The following FAM171A2 variants were observed in gnomAD, a reference collection of about 807,000 sequenced individuals.
The protein encoded by FAM171A2 is family with sequence similarity 171 member A2.
Under a neutral mutation model 34.2 loss-of-function variants are expected in FAM171A2, and 13 were observed. The observed-to-expected ratio is 0.38, with a 90% CI of 0.25 to 0.60. The LOEUF is 0.60. Among genes scored for constraint, FAM171A2 ranks in the 20% least tolerant of loss-of-function variants. The probability of loss-of-function intolerance (pLI) is 0.62; values close to 1 mark genes in which losing one functional copy is unlikely to be tolerated. For missense variants in FAM171A2, 950 were observed against 1,180.7 expected, an observed-to-expected ratio of 0.80 and a Z score of 2.86; for synonymous variants, 475 against 561.2, an observed-to-expected ratio of 0.85 and a Z score of 2.17.
chr17:44,361,274 C>G (rs940957070), intron 1 of FAM171A2, among the ~76,000 whole-genome samples: 1 of 152,218 alleles, frequency 6.6e-6, no homozygotes, highest in African/African-American at 2.4e-5. Context: ...CACAGCCCCT[C>G]CCTCAAGAAC....
chr17:44,363,763 G>T lies in FAM171A2; in HGVS notation c.-49C>A. ...CGGTCCATGGCTCCCGCCTGGTCCC[G>T]CTCGCCCGGCCCCGCGCAGCCCCAG... On this transcript the variant is annotated 5_prime_UTR_variant, in exon 1 of 8. Coordinates refer to ENST00000293443, the MANE Select transcript of FAM171A2 (RefSeq NM_198475.3). The T allele has an allele frequency of 7.7e-6, 7 of 910,552 alleles. No individual in the cohort carries two copies. Among genetic ancestry groups the T allele is most frequent in the Non-Finnish European group, 9.9e-6 (7 of 707,598 alleles). 56.4% of individuals were successfully genotyped at this position (910,552 alleles called of 1,614,324 possible). A position where few individuals can be genotyped will look rare whatever the true frequency, so the allele number is the denominator to read the frequency against.
At position 44,353,420 on chromosome 17, in the gene FAM171A2, T is replaced by C; in HGVS notation, c.*313A>G. 1 of 172,436 alleles carries C rather than the reference T, an allele frequency of 5.8e-6. No individual in the cohort carries two copies. Among genetic ancestry groups the C allele is most frequent in the Admixed American group, 5.9e-5 (1 of 16,982 alleles). The allele number at this position is 172,436 out of a possible 1,614,324, so 10.7% of individuals were successfully genotyped here. ...CCTCACACTAGCAGCTGAGGCTGGG[T>C]CACCCCTCCTGCTTTCCCACAATAG... On this transcript the variant is annotated 3_prime_UTR_variant, in exon 8 of 8. Transcript: ENST00000293443.
rs772599381 is a variant in FAM171A2 at position 44,359,881 on chromosome 17, C to G, written c.346+24G>C. On this transcript the variant is annotated intron_variant, in intron 2 of 7. Coordinates refer to ENST00000293443, the MANE Select transcript of FAM171A2 (RefSeq NM_198475.3). ...GATGGAGGGTCAGCTGCTGTCCCCC[C>G]CCTCCACCTGCCCCTGCACTCACAG... The G allele has an allele frequency of 3.1e-5, 47 of 1,509,584 alleles. No homozygotes were observed. In the African/African-American group the frequency reaches 5.4e-4, roughly 17 times the overall value. 93.5% of individuals were successfully genotyped at this position (1,509,584 alleles called of 1,614,324 possible).
chr17:44,353,768 C>T lies in FAM171A2; in HGVS notation c.2446G>A (p.Glu816Lys). ...GDKKSPWQRR[E>K]ERPLMVFNVK ...TTGAACACCATCAGCGGCCGCTCCTCCCGCCGCTGCCACGGGCTCTTCTTG... is the reference window on the plus strand; with the variant it reads ...TTGAACACCATCAGCGGCCGCTCCTTCCGCCGCTGCCACGGGCTCTTCTTG... Residue 816 changes from glutamate (E) to lysine (K), a missense_variant, in exon 8 of 8, where the codon GAG becomes AAG. Physicochemically the swap from Glu to Lys is moderately conservative, Grantham distance 56. Coordinates refer to ENST00000293443, the MANE Select transcript of FAM171A2 (RefSeq NM_198475.3). 1 of 1,435,578 alleles carries T rather than the reference C, an allele frequency of 7.0e-7. No individual in the cohort carries two copies. Among genetic ancestry groups the T allele is most frequent in the Non-Finnish European group, 9.1e-7 (1 of 1,095,172 alleles). 88.9% of individuals were successfully genotyped at this position (1,435,578 alleles called of 1,614,324 possible). A position where few individuals can be genotyped will look rare whatever the true frequency, so the allele number is the denominator to read the frequency against.
Position 44,363,835 on chromosome 17 carries a change from C to A in FAM171A2, c.-121G>T, listed in dbSNP as rs2048458669. On this transcript the variant is annotated 5_prime_UTR_variant, in exon 1 of 8. Transcript: ENST00000293443. ...TCCGGCTCCCGCTCCCGCTGCGGCG[C>A]CCGCTCAGCGCGATTGTCTCCGACC... 2 of 374,314 alleles carry A rather than the reference C, an allele frequency of 5.3e-6. No homozygotes were observed. Among genetic ancestry groups the A allele is most frequent in the South Asian group, 1.3e-4 (1 of 7,942 alleles). The allele number at this position is 374,314 out of a possible 1,614,324, so 23.2% of individuals were successfully genotyped here. A position where few individuals can be genotyped will look rare whatever the true frequency, so the allele number is the denominator to read the frequency against.
intron 1 of FAM171A2, among the ~76,000 whole-genome samples, chr17:44,361,074 G>A (rs1020198109): frequency 6.6e-6 from 1 of 152,234 alleles, no homozygotes; most frequent in Non-Finnish European, 1.5e-5. Context: ...ATTGTGGAGG[G>A]GGCTGGGGAG....
intron 1 of FAM171A2, among the ~76,000 whole-genome samples, chr17:44,361,529 TAGCTC>T (rs956234071): frequency 5.3e-5 from 8 of 152,176 alleles, no homozygotes; most frequent in South Asian, 2.1e-4. Context: ...ACAGGTGTCT[TAGCTC>T]AGGCTCCCAA....
chr17:44,357,861 C>T (rs2048431897), intron 3 of FAM171A2, among the ~76,000 whole-genome samples: 1 of 152,000 alleles, frequency 6.6e-6, no homozygotes, highest in Non-Finnish European at 1.5e-5. Context: ...AAGCAGGTTA[C>T]CTATATTAAC....
intron 1 of FAM171A2, among the ~76,000 whole-genome samples, chr17:44,361,986 T>C (rs1018766330): frequency 4.1e-5 from 6 of 147,758 alleles, no homozygotes; most frequent in African/African-American, 1.5e-4. Flanking sequence ...GTCTGAGATA[T>C]GGTCATTTGA....
chr17:44,354,529 G>C lies in FAM171A2; in HGVS notation c.1685C>G (p.Pro562Arg). ...GGGTGCCGTGCCCTCCGGCGGGGCC[G>C]GCTCGTCGCCCACGCCGGCGGCGCC... is the stretch of plus-strand genomic sequence containing the variant. The part of the protein sequence containing the change: ...EAGAAGVGDE[P>R]APPEGTAPGP... Residue 562 changes from proline to arginine, a missense_variant, in exon 8 of 8, where the codon CCG becomes CGG. Transcript: ENST00000293443. The surrounding 1 kb of genome is among the most constrained non-coding windows in gnomAD (Gnocchi z 5.8). The C allele has an allele frequency of 8.6e-7, 1 of 1,166,292 alleles. No homozygotes were observed. The highest frequency in any genetic ancestry group is 3.8e-5 in the East Asian group (1 of 26,090). 72.2% of individuals were successfully genotyped at this position (1,166,292 alleles called of 1,614,324 possible). A position where few individuals can be genotyped will look rare whatever the true frequency, so the allele number is the denominator to read the frequency against.
chr17:44,361,344 G>T (rs1275018064), intron 1 of FAM171A2, among the ~76,000 whole-genome samples: 1 of 152,182 alleles, frequency 6.6e-6, no homozygotes, highest in Non-Finnish European at 1.5e-5. Context: ...ACACCTCAGT[G>T]GGGGGCCCAG....
At position 44,355,091 on chromosome 17, in the gene FAM171A2, G is replaced by A; in HGVS notation, c.1123C>T (p.His375Tyr). 1 of 1,550,832 alleles carries A rather than the reference G, an allele frequency of 6.4e-7. No homozygotes were observed. ...TCCAGGGGTCCCCCACAGATGAGGT[G>A]GAGCTGGGACATCGAGGTGGCCTGG... The part of the protein sequence containing the change: ...RDQATSMSQL[H>Y]LICGGPLEPA... Residue 375 changes from histidine to tyrosine, a missense_variant, in exon 8 of 8, where the codon CAC (histidine) becomes TAC (tyrosine). Transcript: ENST00000293443. The surrounding 1 kb of genome is among the most constrained non-coding windows in gnomAD (Gnocchi z 4.1).
chr17:44,356,569 C>T lies in FAM171A2; in HGVS notation c.459G>A (p.Leu153=). ...GGGCAGCCCGGCGCTGGAACTGCAC[C>T]AAGGGCTGGGAGCGGGCACCTGGAG... is the stretch of plus-strand genomic sequence containing the variant. ...LGSPGARSQP[L]VQFQRRAARL... The change falls in exon 4 of 8, where the codon TTG becomes TTA. Residue 153 remains leucine (L), a synonymous_variant. Transcript: ENST00000293443. The T allele has an allele frequency of 6.5e-7, 1 of 1,546,486 alleles. No homozygotes were observed. The highest frequency in any genetic ancestry group is 1.2e-5 in the South Asian group (1 of 83,732).
At chr17:44,357,358 A>G (rs1457524198) in intron 3 of FAM171A2, among the ~76,000 whole-genome samples, 24 of 149,504 alleles carry the variant, frequency 1.6e-4, no homozygotes, top group Non-Finnish European at 3.0e-5. Flanking sequence ...AAAAGAAAAA[A>G]AAAAAAAAGG....
Position 44,353,532 on chromosome 17 carries a change from C to G in FAM171A2, c.*201G>C, listed in dbSNP as rs1227865863. 1 of 310,282 alleles carries G rather than the reference C, an allele frequency of 3.2e-6. No homozygotes were observed. Among genetic ancestry groups the G allele is most frequent in the Admixed American group, 5.3e-5 (1 of 19,022 alleles). The allele number at this position is 310,282 out of a possible 1,614,324, so 19.2% of individuals were successfully genotyped here. A position where few individuals can be genotyped will look rare whatever the true frequency, so the allele number is the denominator to read the frequency against. ...ACCTCCCCGTGGGGGTCTGGACCCC[C>G]CCTCCTCCCCGGCTTGGAGGCAGAC... On this transcript the variant is annotated 3_prime_UTR_variant, in exon 8 of 8. Transcript: ENST00000293443.
chr17:44,360,267 AC>A, intron 1 of FAM171A2, 135 bp from the exon 2 acceptor site: 1 of 700,744 alleles, frequency 1.4e-6, no homozygotes, highest in Non-Finnish European at 2.4e-6. Context: ...ATGATTTAAG[AC>A]CCAGCATTCA....
chr17:44,356,767 A>G (rs1346907911), intron 3 of FAM171A2, among the ~76,000 whole-genome samples, 179 bp from the exon 4 acceptor site: 2 of 152,242 alleles, frequency 1.3e-5, no homozygotes, highest in Non-Finnish European at 1.5e-5. Context: ...TGGAAGGGAC[A>G]TGGACCTGAA....
Position 44,355,702 on chromosome 17 carries a change from G to A in FAM171A2, c.1022+13C>T, listed in dbSNP as rs1314414176. 5.2e-6 allele frequency: 8 copies of A among 1,551,350 alleles called. No individual in the cohort carries two copies. Among genetic ancestry groups the A allele is most frequent in the Non-Finnish European group, 7.0e-6 (8 of 1,146,984 alleles). On this transcript the variant is annotated intron_variant, in intron 7 of 7. Transcript: ENST00000293443. This position sits in a 1 kb window ranked among gnomAD's most constrained non-coding sequence, Gnocchi z 4.1. ...ACAAGTGCAGGGGAGGGTGAGGGAA[G>A]CCCCGTGCTCACCGGCAGTAGTAGA...
chr17:44,353,836 G>C lies in FAM171A2; in HGVS notation c.2378C>G (p.Pro793Arg). The change falls in exon 8 of 8, where the codon CCG becomes CGG. Residue 793 changes from proline (P) to arginine (R), a missense_variant. Physicochemically the swap from Pro to Arg is moderately radical, Grantham distance 103. Transcript: ENST00000293443. ...SELRRDSLTS[P>R]EDELGAEVGD... ...CACCTCCGCCCCCAGCTCGTCCTCC[G>C]GGCTGGTGAGCGAGTCGCGCCGCAG... The C allele has an allele frequency of 1.4e-6, 2 of 1,406,844 alleles. No homozygotes were observed. The highest frequency in any genetic ancestry group is 1.9e-6 in the Non-Finnish European group (2 of 1,079,814). 87.1% of individuals were successfully genotyped at this position (1,406,844 alleles called of 1,614,324 possible). A position where few individuals can be genotyped will look rare whatever the true frequency, so the allele number is the denominator to read the frequency against.
Sources: gnomAD v4.1 joint callset for allele counts (sites outside exome capture counted in the v4.1 genomes callset) on GRCh38, gnomAD v4.1.1 for gene constraint, Gnocchi (gnomAD v3.1) non-coding constraint, MANE v1.5 for transcripts, NCBI Gene and HGNC (gene_info 2026-07-23, HGNC 2026-07-21) for gene names.